The following ZDHHC23 variants were observed in gnomAD, a reference collection of about 807,000 sequenced individuals.
ZDHHC23 encodes palmitoyltransferase ZDHHC23.
Under a neutral mutation model 40.2 loss-of-function variants are expected in ZDHHC23, and 41 were observed. The ratio of observed to expected loss-of-function variants is 1.02; its 90% CI spans 0.79 to 1.32. The LOEUF (loss-of-function observed/expected upper bound fraction) is 1.32. Ranked by LOEUF, ZDHHC23 falls within the 40% of genes most tolerant of loss-of-function variation. The probability of loss-of-function intolerance (pLI) is 0.00; values close to 1 mark genes in which losing one functional copy is unlikely to be tolerated. For missense variants in ZDHHC23, 471 were observed against 541.5 expected, an observed-to-expected ratio of 0.87 and a Z score of 1.29; for synonymous variants, 204 against 210.2, an observed-to-expected ratio of 0.97 and a Z score of 0.26.
rs938919232 is a variant in ZDHHC23, at chr3:113,961,536, G to T, written c.*2906G>T. The T allele has an allele frequency of 2.0e-5, 3 of 152,618 alleles. No homozygotes were observed. Among genetic ancestry groups the T allele is most frequent in the Non-Finnish European group, 4.4e-5 (3 of 68,024 alleles). 9.5% of individuals were successfully genotyped at this position (152,618 alleles called of 1,614,324 possible). A position where few individuals can be genotyped will look rare whatever the true frequency, so the allele number is the denominator to read the frequency against. On this transcript the variant is annotated 3_prime_UTR_variant, in exon 5 of 5. Coordinates refer to ENST00000638807, the MANE Select transcript of ZDHHC23 (RefSeq NM_001320466.2). ...CAGCGCCTCTTTGATAGGTTACCCT[G>T]ATGCTGCTAAAGTAAAGCCTTAAGT...
intron 2 of ZDHHC23, among the ~76,000 whole-genome samples, chr3:113,949,568 A>C (rs746306042): frequency 1.2e-4 from 18 of 152,220 alleles, no homozygotes; most frequent in Non-Finnish European, 2.4e-4. Context: ...TTACTATCCA[A>C]AAAGAGAATT....
At chr3:113,954,823 T>A (rs1939017082) in intron 3 of ZDHHC23, among the ~76,000 whole-genome samples, 1 of 152,234 alleles carries the variant, frequency 6.6e-6, no homozygotes, top group Admixed American at 6.5e-5. Context: ...TTTAGGTGAC[T>A]CTTTTGTCCC....
In ZDHHC23 at chr3:113,958,898, C is replaced by T; in HGVS notation, c.*268C>T. The stretch of plus-strand genomic sequence containing the variant: ...CTGAACTTGAGAAGGATGTGGATTG[C>T]TAATGCACAAATTGATAGAAGCAAT... On this transcript the variant is annotated 3_prime_UTR_variant, in exon 5 of 5. Transcript: ENST00000638807. 1 of 1,273,550 alleles carries T rather than the reference C, an allele frequency of 7.9e-7. No homozygotes were observed. The highest frequency in any genetic ancestry group is 1.0e-6 in the Non-Finnish European group (1 of 987,948). The allele number at this position is 1,273,550 out of a possible 1,614,324, so 78.9% of individuals were successfully genotyped here. A position where few individuals can be genotyped will look rare whatever the true frequency, so the allele number is the denominator to read the frequency against.
chr3:113,968,880 G>C (rs921252751), downstream of ZDHHC23, among the ~76,000 whole-genome samples: 3 of 152,072 alleles, frequency 2.0e-5, no homozygotes, highest in African/African-American at 7.2e-5. Flanking sequence ...AACACCTGAG[G>C]CTGGGTAATT....
At chr3:113,965,123 G>A (rs371602916), downstream of ZDHHC23, 4 of 1,436,268 alleles carry the variant, frequency 2.8e-6, no homozygotes, top group Non-Finnish European at 3.8e-6. Context: ...GACTAGTCGA[G>A]CTTCCTGTCC....
intron 3 of ZDHHC23, among the ~76,000 whole-genome samples, chr3:113,955,391 T>TGCGCGCGC (rs937830416): frequency 6.7e-6 from 1 of 149,060 alleles, no homozygotes; most frequent in Admixed American, 6.7e-5. Context: ...TGTGTGTGTG[T>TGCGCGCGC]GCGTGTGTGT....
chr3:113,956,605 A>C, intron 4 of ZDHHC23, 99 bp downstream of exon 4: 3 of 1,268,020 alleles, frequency 2.4e-6, no homozygotes. Context: ...CTCAATCAAA[A>C]CATAGGCCAG....
In ZDHHC23 at chr3:113,958,347, T is replaced by G. The variant is rs1244027734; in HGVS notation, c.1041-16T>G. On this transcript the variant is annotated splice_polypyrimidine_tract_variant and intron_variant, in intron 4 of 4. Coordinates refer to ENST00000638807, the MANE Select transcript of ZDHHC23 (RefSeq NM_001320466.2). ...GACAAAAACGGCAGCCCTGACAGCC[T>G]TTTTCCCTCTCCTAGCTCGGCTCTG... 2.5e-6 allele frequency: 4 copies of G among 1,582,694 alleles called. No individual in the cohort carries two copies. The highest frequency in any genetic ancestry group is 3.5e-6 in the Non-Finnish European group (4 of 1,158,936).
chr3:113,967,577 GATCAA>G (rs1940338895), downstream of ZDHHC23, among the ~76,000 whole-genome samples: 1 of 152,076 alleles, frequency 6.6e-6, no homozygotes, highest in Non-Finnish European at 1.5e-5. Flanking sequence ...AATGTGTAAA[GATCAA>G]ATCAGGGTAT....
At chr3:113,950,929 A>C (rs1355618131) in intron 2 of ZDHHC23, among the ~76,000 whole-genome samples, 1 of 152,216 alleles carries the variant, frequency 6.6e-6, no homozygotes, top group East Asian at 1.9e-4. Context: ...GACAGGTCCT[A>C]ACCCAGTGGG....
At chr3:113,975,741 T>G in the ZDHHC23 span, among the ~76,000 whole-genome samples, 1 of 152,180 alleles carries the variant, frequency 6.6e-6, no homozygotes, top group African/African-American at 2.4e-5. Flanking sequence ...ATGTGAAAGC[T>G]CTGAAGCAGA....
intron 4 of ZDHHC23, chr3:113,957,477 A>G: frequency 5.6e-6 from 2 of 356,080 alleles, no homozygotes; most frequent in South Asian, 4.2e-5. Context: ...TTCTCTGCTA[A>G]CGCTGCAGGT....
chr3:113,965,766 T>G (rs1416371190), downstream of ZDHHC23, among the ~76,000 whole-genome samples: 1 of 152,072 alleles, frequency 6.6e-6, no homozygotes, highest in African/African-American at 2.4e-5. Flanking sequence ...ATTTTTTTTT[T>G]GTATTTTTAT....
chr3:113,978,214 G>A, the ZDHHC23 span: 1 of 1,614,050 alleles, frequency 6.2e-7, no homozygotes, highest in Non-Finnish European at 8.5e-7. Context: ...GCAATCTCAT[G>A]CTTGCCCTGA....
chr3:113,964,722 A>G (rs1198627361), downstream of ZDHHC23: 2 of 152,378 alleles, frequency 1.3e-5, no homozygotes, highest in African/African-American at 4.8e-5. Flanking sequence ...CACTGATGCT[A>G]CTGCACTAGA....
rs1049721821 is a variant in ZDHHC23, at chr3:113,950,174, G to C, written c.161+1211G>C. On this transcript the variant is annotated intron_variant, in intron 2 of 4. Transcript: ENST00000638807. ...TGCTGCTCTGTATGATTCCCAATTA[G>C]TTATCTCTAAGTTCTAGTCTTACCT... 2.6e-5 allele frequency among the ~76,000 whole-genome samples: 4 copies of C among 152,242 alleles called. No homozygotes were observed. The East Asian group carries it at 5.8e-4, about 22-fold the overall frequency.
chr3:113,960,690 C>T lies in ZDHHC23; in HGVS notation c.*2060C>T, dbSNP rs368889048. 3 of 1,605,586 alleles carry T rather than the reference C, an allele frequency of 1.9e-6. No homozygotes were observed. The highest frequency in any genetic ancestry group is 2.7e-5 in the African/African-American group (2 of 74,158). ...AATTTGGGAGAATTAGGAATGATGA[C>T]AATTTTTTTTAACAACTTACCTCTA... On this transcript the variant is annotated 3_prime_UTR_variant, in exon 5 of 5. Transcript: ENST00000638807.
At chr3:113,965,050 C>T (rs951100808), downstream of ZDHHC23, 12 of 584,702 alleles carry the variant, frequency 2.1e-5, no homozygotes, top group African/African-American at 1.7e-4. Context: ...AGAAGTAGCT[C>T]GTAGAGAATA....
At chr3:113,955,493 C>G (rs1431307449) in intron 3 of ZDHHC23, among the ~76,000 whole-genome samples, 2 of 152,004 alleles carry the variant, frequency 1.3e-5, no homozygotes, top group Non-Finnish European at 2.9e-5. Context: ...AGAAGGCACT[C>G]CCTCTACATT....
Sources: gnomAD v4.1 joint callset for allele counts (sites outside exome capture counted in the v4.1 genomes callset) on GRCh38, gnomAD v4.1.1 for gene constraint, MANE v1.5 for transcripts, NCBI Gene and HGNC (gene_info 2026-07-23, HGNC 2026-07-21) for gene names.